The following FAM20A variants were observed in gnomAD, a reference collection of about 807,000 sequenced individuals.
The protein encoded by FAM20A is FAM20A golgi associated secretory pathway pseudokinase.
FAM20A carries 42 observed loss-of-function variants against 52.0 expected under a neutral mutation model. The observed-to-expected ratio is 0.81, with a 90% CI of 0.63 to 1.04. The LOEUF (loss-of-function observed/expected upper bound fraction) is 1.04. Among genes scored for constraint, FAM20A ranks in the 50% least tolerant of loss-of-function variants. The pLI is 0.00. For synonymous variants in FAM20A, 304 were observed against 298.9 expected (o/e 1.02, Z -0.18); for missense variants, 742 against 712.7 (o/e 1.04, Z -0.47).
At chr17:68,572,014 A>ATATAT (rs2087570588) in intron 1 of FAM20A, among the ~76,000 whole-genome samples, 1 of 110,608 alleles carries the variant, frequency 9.0e-6, no homozygotes, top group Non-Finnish European at 1.8e-5. Context: ...ATATATATAT[A>ATATAT]TATATATATA....
rs750439786 is a variant in FAM20A at position 68,537,591 on chromosome 17, G to A, written c.1512C>T (p.Thr504=). The A allele has an allele frequency of 9.9e-6, 16 of 1,613,486 alleles. No homozygotes were observed. The highest frequency in any genetic ancestry group is 1.2e-5 in the Non-Finnish European group (14 of 1,179,676). ...HLLALDRRLQ[T]ILRTVEGCIV... is the part of the protein sequence containing the mutation. The stretch of plus-strand genomic sequence containing the variant: ...TGCACCCCTCCACTGTCCTTAGGAT[G>A]GTTTGGAGCCTTCGATCCAGGGCAA... Residue 504 remains threonine (T), a synonymous_variant, in exon 11 of 11, where the codon ACC becomes ACT. Transcript: ENST00000592554. This position sits in a 1 kb window ranked among gnomAD's most constrained non-coding sequence, Gnocchi z 4.2.
At chr17:68,544,262 C>A (rs1189398805) in intron 4 of FAM20A, among the ~76,000 whole-genome samples, 1 of 152,100 alleles carries the variant, frequency 6.6e-6, no homozygotes, top group Non-Finnish European at 1.5e-5. Context: ...CTCAGAGAAA[C>A]ACAGCCGGAT....
At chr17:68,596,988 T>C (rs2088470607) in intron 1 of FAM20A, among the ~76,000 whole-genome samples, 1 of 152,164 alleles carries the variant, frequency 6.6e-6, no homozygotes, top group Non-Finnish European at 1.5e-5. Flanking sequence ...ATTTGTAACT[T>C]AACTACATGT....
chr17:68,583,472 TCTC>T (rs560130618), intron 1 of FAM20A, among the ~76,000 whole-genome samples: 21 of 152,288 alleles, frequency 1.4e-4, no homozygotes, highest in African/African-American at 5.1e-4. Flanking sequence ...CACGTTGTCT[TCTC>T]CTCTTCCGTC....
intron 1 of FAM20A, among the ~76,000 whole-genome samples, chr17:68,582,035 G>C (rs924686192): frequency 3.3e-5 from 5 of 152,186 alleles, no homozygotes; most frequent in African/African-American, 1.2e-4. Context: ...CCGCACAAGT[G>C]TCACCTGCCA....
chr17:68,582,949 A>G (rs534101095), intron 1 of FAM20A, among the ~76,000 whole-genome samples: 54 of 135,484 alleles, frequency 4.0e-4, no homozygotes, highest in Non-Finnish European at 6.9e-4. Context: ...ACAGGCACAC[A>G]CCACCAGGCC....
At position 68,536,614 on chromosome 17, in the gene FAM20A, C is replaced by A. The variant is rs1438663311; in HGVS notation, c.*863G>T. The A allele has an allele frequency of 2.2e-6, 1 of 452,240 alleles. No homozygotes were observed. The highest frequency in any genetic ancestry group is 4.4e-6 in the Non-Finnish European group (1 of 226,146). 28.0% of individuals were successfully genotyped at this position (452,240 alleles called of 1,614,324 possible). ...GATGGGCCGGGGACAATCCTGGGGT[C>A]TTAGGGAAGAAGATTGTGGTTGGTG... On this transcript the variant is annotated 3_prime_UTR_variant, in exon 11 of 11. Coordinates refer to ENST00000592554, the MANE Select transcript of FAM20A (RefSeq NM_017565.4).
rs201229338 is a variant in FAM20A at position 68,594,398 on chromosome 17, C to CAA, written c.404+5863_404+5864dup. Among the ~76,000 whole-genome samples the CAA allele has an allele frequency of 2.6e-3, 328 of 125,524 alleles. 2 individuals carry two copies. The highest frequency in any genetic ancestry group is 8.6e-3 in the African/African-American group (302 of 34,952). The allele number at this position is 125,524 out of a possible 152,430, so 82.3% of individuals were successfully genotyped here. A position where few individuals can be genotyped will look rare whatever the true frequency, so the allele number is the denominator to read the frequency against. ...TGGGCGACAGAGCGAGACTCCGTCTCAAAAAAAAAAAAACAAAACAGTATT... is the reference window on the plus strand; with the variant it reads ...TGGGCGACAGAGCGAGACTCCGTCTCAAAAAAAAAAAAAAACAAAACAGTATT... On this transcript the variant is annotated intron_variant, in intron 1 of 10. Coordinates refer to ENST00000592554, the MANE Select transcript of FAM20A (RefSeq NM_017565.4).
At chr17:68,575,791 TACACACACAC>T (rs761949775) in intron 1 of FAM20A, among the ~76,000 whole-genome samples, 1,295 of 104,198 alleles carry the variant, frequency 0.012, 32 homozygotes, top group African/African-American at 0.046. Flanking sequence ...TTTTATATTA[TACACACACAC>T]ACACACACAC....
At chr17:68,591,623 C>T (rs1353523801) in intron 1 of FAM20A, among the ~76,000 whole-genome samples, 1 of 152,240 alleles carries the variant, frequency 6.6e-6, no homozygotes, top group Non-Finnish European at 1.5e-5. Flanking sequence ...GAAACCCCAC[C>T]TTCAAGCCTA....
chr17:68,541,068 TG>T, intron 7 of FAM20A, 110 bp from the exon 8 acceptor site: 1 of 1,496,576 alleles, frequency 6.7e-7, no homozygotes, highest in Non-Finnish European at 9.0e-7. Context: ...GATCCTGCCC[TG>T]GGCTGGTGGC....
In FAM20A at chr17:68,537,316, C is replaced by G. The variant is rs753531570; in HGVS notation, c.*161G>C. ...AGCGGTGCACCAAGGAGTAAAGATT[C>G]AGTTCCATGGGCCCCACTTGCTGTT... On this transcript the variant is annotated 3_prime_UTR_variant, in exon 11 of 11. Coordinates refer to ENST00000592554, the MANE Select transcript of FAM20A (RefSeq NM_017565.4). This position sits in a 1 kb window ranked among gnomAD's most constrained non-coding sequence, Gnocchi z 4.2. 4 of 899,976 alleles carry G rather than the reference C, an allele frequency of 4.4e-6. 1 individual carries two copies. The highest frequency in any genetic ancestry group is 4.2e-5 in the South Asian group (3 of 71,412). 55.7% of individuals were successfully genotyped at this position (899,976 alleles called of 1,614,324 possible). A position where few individuals can be genotyped will look rare whatever the true frequency, so the allele number is the denominator to read the frequency against.
intron 6 of FAM20A, among the ~76,000 whole-genome samples, 162 bp from the exon 7 acceptor site, chr17:68,542,327 G>A (rs977152062): frequency 1.3e-5 from 2 of 152,184 alleles, no homozygotes; most frequent in South Asian, 2.1e-4. Flanking sequence ...AAGTGAGGGT[G>A]TGAATGCTAC....
intron 3 of FAM20A, among the ~76,000 whole-genome samples, chr17:68,552,666 CTTTT>C (rs576230517): frequency 1.5e-5 from 1 of 66,850 alleles, no homozygotes; most frequent in East Asian, 4.8e-4. Flanking sequence ...CTTTATTTTC[CTTTT>C]TTTTTTTTTT....
At chr17:68,577,656 C>G (rs2087811419) in intron 1 of FAM20A, among the ~76,000 whole-genome samples, 1 of 152,200 alleles carries the variant, frequency 6.6e-6, no homozygotes. Context: ...AGCACTTAAT[C>G]CTCTGATGAT....
chr17:68,583,273 G>C (rs1468666938), intron 1 of FAM20A, among the ~76,000 whole-genome samples: 1 of 152,144 alleles, frequency 6.6e-6, no homozygotes, highest in African/African-American at 2.4e-5. Context: ...CACAAACTTA[G>C]TGGCGTAAAT....
At chr17:68,553,923 T>TATATGCATATATACATATATACACAC (rs2086957926) in intron 3 of FAM20A, among the ~76,000 whole-genome samples, 3 of 132,186 alleles carry the variant, frequency 2.3e-5, no homozygotes, top group South Asian at 4.3e-4. Context: ...TATACACACA[T>TATATGCATATATACATATATACACAC]ATATGCATAT....
intron 1 of FAM20A, among the ~76,000 whole-genome samples, chr17:68,559,765 C>T (rs2087157930): frequency 6.6e-6 from 1 of 152,252 alleles, no homozygotes; most frequent in South Asian, 2.1e-4. Context: ...TGGTGTTTTT[C>T]CCCATTGTTT....
chr17:68,584,672 T>C (rs540408472), intron 1 of FAM20A, among the ~76,000 whole-genome samples: 15 of 152,328 alleles, frequency 9.8e-5, no homozygotes, highest in African/African-American at 2.9e-4. Context: ...GCATAGCATC[T>C]CCTGCCAGGA....
Sources: gnomAD v4.1 joint callset for allele counts (sites outside exome capture counted in the v4.1 genomes callset) on GRCh38, gnomAD v4.1.1 for gene constraint, Gnocchi (gnomAD v3.1) non-coding constraint, MANE v1.5 for transcripts, NCBI Gene and HGNC (gene_info 2026-07-23, HGNC 2026-07-21) for gene names.